The following POLK variants were observed in gnomAD, a reference collection of about 807,000 sequenced individuals.
POLK encodes the protein DNA polymerase kappa.
POLK carries 76 observed loss-of-function variants against 94.0 expected under a neutral mutation model. The observed-to-expected ratio is 0.81, with a 90% CI of 0.67 to 0.98. The LOEUF (loss-of-function observed/expected upper bound fraction) is 0.98. Ranked by LOEUF, POLK falls within the 50% of genes least tolerant of loss-of-function variation. The pLI is 0.00. For missense variants in POLK, 954 were observed against 1,010.1 expected (o/e 0.94, Z 0.75); for synonymous variants, 349 against 325.4 (o/e 1.07, Z -0.78).
intron 12 of POLK, 43 bp from the exon 13 acceptor site, chr5:75,596,179 G>A (rs1250759259): frequency 9.0e-7 from 1 of 1,115,444 alleles, no homozygotes; most frequent in Non-Finnish European, 1.3e-6. Context: ...TGAGTGAATT[G>A]GCTTTGTTCA....
chr5:75,545,129 T>C (rs1769942343), intron 1 of POLK, among the ~76,000 whole-genome samples: 1 of 152,208 alleles, frequency 6.6e-6, no homozygotes, highest in South Asian at 2.1e-4. Context: ...CCATGATGTA[T>C]ACTTTTTTTC....
chr5:75,515,286 A>T (rs1768272052), intron 1 of POLK, among the ~76,000 whole-genome samples: 1 of 152,206 alleles, frequency 6.6e-6, no homozygotes. Context: ...AGCAGCAATA[A>T]AGGGATAGTG....
chr5:75,566,980 G>C (rs1056142820), intron 3 of POLK, among the ~76,000 whole-genome samples: 1 of 152,186 alleles, frequency 6.6e-6, no homozygotes, highest in Admixed American at 6.5e-5. Flanking sequence ...AAAAGCAGTA[G>C]TGGCATGCAT....
At position 75,528,213 on chromosome 5, in the gene POLK, C is replaced by T. The variant is rs138817248; in HGVS notation, c.-14+16299C>T. ...TATACTCCATGTAAGTAAAAAAATA[C>T]GGAAGAAAAAATGATTATATAGTTC... On this transcript the variant is annotated intron_variant, in intron 1 of 14. Coordinates refer to ENST00000241436, the Ensembl canonical transcript of POLK. Among the ~76,000 whole-genome samples the T allele has an allele frequency of 9.5e-3, 1,434 of 151,392 alleles. 15 individuals are homozygous for T. The highest frequency in any genetic ancestry group is 0.029 in the African/African-American group (1,178 of 41,232).
intron 1 of POLK, among the ~76,000 whole-genome samples, chr5:75,545,548 A>C (rs554336966): frequency 9.9e-5 from 15 of 152,186 alleles, no homozygotes; most frequent in Non-Finnish European, 1.9e-4. Context: ...CATGGTTGTA[A>C]ATATCTTTAA....
At chr5:75,596,722 GCTT>G in exon 13 of POLK, 2 of 1,613,684 alleles carry the variant, frequency 1.2e-6, no homozygotes, top group African/African-American at 1.3e-5. Context: ...AAATGTTCCT[GCTT>G]CTTCACTTTG....
chr5:75,605,867 G>A (rs1280232058), downstream of POLK, among the ~76,000 whole-genome samples: 1 of 151,902 alleles, frequency 6.6e-6, no homozygotes, highest in African/African-American at 2.4e-5. Context: ...ACCTGTGGGT[G>A]TTTCTCGTAA....
At chr5:75,581,311 C>G (rs1429578121) in exon 7 of POLK, 13 of 1,613,782 alleles carry the variant, frequency 8.1e-6, no homozygotes, top group Admixed American at 1.7e-5. Flanking sequence ...CCAGGAGATC[C>G]TTTCCAAGTG....
exon 13 of POLK, chr5:75,596,732 T>C: frequency 6.2e-7 from 1 of 1,613,512 alleles, no homozygotes; most frequent in South Asian, 1.1e-5. Flanking sequence ...GCTTCTTCAC[T>C]TTGTGAGAAG....
At chr5:75,537,289 A>G (rs1305415663) in intron 1 of POLK, among the ~76,000 whole-genome samples, 7 of 150,968 alleles carry the variant, frequency 4.6e-5, no homozygotes, top group Non-Finnish European at 8.9e-5. Context: ...TGGGGGGCAC[A>G]GGGTGGTCAG....
At chr5:75,511,158 T>A, upstream of POLK, 1 of 1,611,378 alleles carries the variant, frequency 6.2e-7, no homozygotes, top group Non-Finnish European at 8.5e-7. Context: ...AGACTCCGTC[T>A]CTGGATCCTC....
chr5:75,584,695 G>A, intron 8 of POLK, 65 bp from the exon 9 acceptor site: 1 of 947,302 alleles, frequency 1.1e-6, no homozygotes, highest in South Asian at 1.8e-5. Context: ...GTGTAATGAG[G>A]TTGTAATCTC....
chr5:75,566,615 A>G (rs1195211013), intron 3 of POLK, among the ~76,000 whole-genome samples: 1 of 152,134 alleles, frequency 6.6e-6, no homozygotes, highest in Non-Finnish European at 1.5e-5. Context: ...TCCCTTGGCT[A>G]GGGGAGGGAG....
rs759425456 is a variant in POLK, at chr5:75,584,933, A to G, written c.1226+7A>G. The G allele has an allele frequency of 3.9e-5, 61 of 1,557,926 alleles. No individual in the cohort carries two copies. The highest frequency in any genetic ancestry group is 5.5e-5 in the African/African-American group (4 of 72,886). Reference sequence around the variant, plus strand: ...GTTCAACACACCTGACGAGGTATCTATATGTATTGTCATTCTGCTTTTTCT... The same window carrying G: ...GTTCAACACACCTGACGAGGTATCTGTATGTATTGTCATTCTGCTTTTTCT... On this transcript the variant is annotated splice_region_variant and intron_variant, in intron 9 of 14. Coordinates refer to ENST00000241436, the Ensembl canonical transcript of POLK.
upstream of POLK, chr5:75,511,354 TCCGCCCGCCGCG>T (rs1322016049): frequency 6.5e-7 from 1 of 1,540,438 alleles, no homozygotes; most frequent in South Asian, 1.2e-5. Flanking sequence ...AGGGACGAAG[TCCGCCCGCCGCG>T]CCGCCGCCGC....
At chr5:75,576,452 C>T (rs1771876962) in intron 5 of POLK, among the ~76,000 whole-genome samples, 1 of 152,002 alleles carries the variant, frequency 6.6e-6, no homozygotes, top group African/African-American at 2.4e-5. Flanking sequence ...AAAACCTTAA[C>T]CATTTTTTTG....
intron 1 of POLK, among the ~76,000 whole-genome samples, chr5:75,545,577 A>G (rs1160644778): frequency 2.6e-5 from 4 of 152,232 alleles, no homozygotes; most frequent in African/African-American, 9.6e-5. Flanking sequence ...GTATGTGAAG[A>G]TAAACTATAA....
At chr5:75,511,457 CGCCGTG>C, upstream of POLK, 1 of 1,529,726 alleles carries the variant, frequency 6.5e-7, no homozygotes, top group Non-Finnish European at 8.8e-7. Context: ...CCGCCGCCGT[CGCCGTG>C]ACCCCTGCGT....
chr5:75,593,347 G>A (rs1436527223), intron 11 of POLK, among the ~76,000 whole-genome samples: 2 of 152,026 alleles, frequency 1.3e-5, no homozygotes, highest in Admixed American at 1.3e-4. Context: ...GGCCAGGCTG[G>A]TCTTGAACTC....
Sources: gnomAD v4.1 joint callset for allele counts (sites outside exome capture counted in the v4.1 genomes callset) on GRCh38, gnomAD v4.1.1 for gene constraint, MANE v1.5 for transcripts, NCBI Gene and HGNC (gene_info 2026-07-23, HGNC 2026-07-21) for gene names.